The following WWP2 variants were observed in gnomAD, a reference collection of about 807,000 sequenced individuals.
WWP2 encodes WW domain containing E3 ubiquitin protein ligase 2.
Under a neutral mutation model 121.0 loss-of-function variants are expected in WWP2, and 57 were observed. That is an observed-to-expected ratio of 0.47 (90% confidence interval 0.38 to 0.59). WWP2 has a LOEUF of 0.59. Ranked by LOEUF, WWP2 falls within the 20% of genes least tolerant of loss-of-function variation. The pLI is 0.00. For synonymous variants in WWP2, 449 were observed against 441.3 expected, an observed-to-expected ratio of 1.02 and a Z score of -0.22; for missense variants, 962 against 1,158.9, an observed-to-expected ratio of 0.83 and a Z score of 2.47.
intron 7 of WWP2, among the ~76,000 whole-genome samples, chr16:69,882,829 G>A (rs2057855403): frequency 1.3e-5 from 2 of 152,146 alleles, no homozygotes; most frequent in Non-Finnish European, 2.9e-5. Flanking sequence ...AAAAGTTAGA[G>A]AACATTGGCT....
chr16:69,762,592 GCCGCGGCCCGCGCGGGGGTTGCTCCGAAA>G (rs1171919145), intron 1 of WWP2, among the ~76,000 whole-genome samples: 129 of 151,770 alleles, frequency 8.5e-4, no homozygotes, highest in African/African-American at 2.9e-3. Context: ...GGGTGGGCGC[GCCGCGGCCCGCGCGGGGGTTGCTCCGAAA>G]TGGGTGCCCC....
At position 69,778,541 on chromosome 16, in the gene WWP2, G is replaced by A. The variant is rs554858004; in HGVS notation, c.-15-8455G>A. ...TAAGCTTCTTGTAGTGGATAGTGGG[G>A]ATTTGGACCTAATACGCATTAGGAA... is the stretch of plus-strand genomic sequence containing the variant. On this transcript the variant is annotated intron_variant, in intron 1 of 23. Transcript: ENST00000359154. Among the ~76,000 whole-genome samples, 8 of 152,188 alleles carry A rather than the reference G, an allele frequency of 5.3e-5. No homozygotes were observed. In the East Asian group the frequency reaches 1.4e-3, roughly 26 times the overall value.
intron 7 of WWP2, among the ~76,000 whole-genome samples, chr16:69,882,675 C>T (rs1054590276): frequency 2.0e-5 from 3 of 152,022 alleles, no homozygotes; most frequent in Admixed American, 6.6e-5. Context: ...GGGAAGAAGG[C>T]CGATGTGGGC....
At chr16:69,936,189 C>T in intron 18 of WWP2, 123 bp from the exon 19 acceptor site, 1 of 1,493,726 alleles carries the variant, frequency 6.7e-7, no homozygotes, top group Non-Finnish European at 9.1e-7. Context: ...GGAGCTGTCC[C>T]CTGTCACTGT....
chr16:69,811,806 ACTC>A (rs1050851661), intron 4 of WWP2, among the ~76,000 whole-genome samples: 21 of 151,842 alleles, frequency 1.4e-4, no homozygotes, highest in African/African-American at 4.8e-4. Flanking sequence ...AGAACAAAGA[ACTC>A]CTCAATGTCG....
chr16:69,822,985 A>G (rs980583695), intron 4 of WWP2, among the ~76,000 whole-genome samples: 7 of 152,150 alleles, frequency 4.6e-5, no homozygotes, highest in African/African-American at 1.7e-4. Context: ...AAAAGTACAA[A>G]AATTAGCCAG....
chr16:69,893,786 C>T lies in WWP2; in HGVS notation c.914+5537C>T, dbSNP rs374561432. 1.1e-4 allele frequency among the ~76,000 whole-genome samples: 17 copies of T among 152,302 alleles called. 2 individuals are homozygous for T. The highest frequency in any genetic ancestry group is 3.9e-4 in the East Asian group (2 of 5,170). On this transcript the variant is annotated intron_variant, in intron 8 of 23. Transcript: ENST00000359154. ...CTCGAACGCCTGACCTCAAGTGATC[C>T]ACCTGCCTCGGCCTCCCAAAATGCT... is the stretch of plus-strand genomic sequence containing the variant.
At chr16:69,912,943 A>T (rs2058409623) in intron 9 of WWP2, among the ~76,000 whole-genome samples, 2 of 2,542 alleles carry the variant, frequency 7.9e-4, no homozygotes, top group Admixed American at 5.8e-3. Flanking sequence ...AAAAAAAAAA[A>T]AAAAAAAAAA....
intron 6 of WWP2, among the ~76,000 whole-genome samples, chr16:69,859,997 A>G (rs551297359): frequency 1.6e-4 from 24 of 151,788 alleles, no homozygotes; most frequent in African/African-American, 5.1e-4. Context: ...GGGGGGCTAG[A>G]GTGAGAGGGA....
intron 1 of WWP2, among the ~76,000 whole-genome samples, chr16:69,769,733 T>C (rs1374163241): frequency 1.3e-5 from 2 of 152,206 alleles, no homozygotes; most frequent in Non-Finnish European, 2.9e-5. Context: ...AAGTAAGTAC[T>C]ATTATTGGGT....
intron 7 of WWP2, among the ~76,000 whole-genome samples, chr16:69,880,544 AC>A (rs2057808771): frequency 6.6e-6 from 1 of 152,162 alleles, no homozygotes; most frequent in Non-Finnish European, 1.5e-5. Flanking sequence ...GAAGGATTTT[AC>A]CTTCCCATCA....
chr16:69,915,074 C>T (rs1011119083), intron 9 of WWP2, among the ~76,000 whole-genome samples: 1 of 152,166 alleles, frequency 6.6e-6, no homozygotes. Context: ...CAACTGTCCC[C>T]GTCAGATGAG....
intron 1 of WWP2, among the ~76,000 whole-genome samples, chr16:69,770,689 G>A (rs1333246049): frequency 6.6e-6 from 1 of 152,168 alleles, no homozygotes; most frequent in African/African-American, 2.4e-5. Context: ...CAAGTCAGGG[G>A]CAGTCTTGGG....
rs1454931697 is a variant in WWP2 at position 69,826,925 on chromosome 16, C to G, written c.341-13201C>G. 7.4e-5 allele frequency among the ~76,000 whole-genome samples: 8 copies of G among 108,072 alleles called. No homozygotes were observed. The East Asian group carries it at 2.4e-3, about 32-fold the overall frequency. 70.9% of individuals were successfully genotyped at this position (108,072 alleles called of 152,430 possible). A position where few individuals can be genotyped will look rare whatever the true frequency, so the allele number is the denominator to read the frequency against. On this transcript the variant is annotated intron_variant, in intron 4 of 23. Transcript: ENST00000359154. ...CTGCACTCCAGCCTGGGTGACAGAG[C>G]GAGACTCCACCTCAAAAAAAAAAAA... is the stretch of plus-strand genomic sequence containing the variant.
chr16:69,813,197 T>A (rs1355923204), intron 4 of WWP2, among the ~76,000 whole-genome samples: 1 of 151,670 alleles, frequency 6.6e-6, no homozygotes, highest in African/African-American at 2.4e-5. Flanking sequence ...AGTTTTGCTC[T>A]TGTTGCCTAG....
intron 2 of WWP2, among the ~76,000 whole-genome samples, chr16:69,793,741 A>G (rs533538158): frequency 7.9e-5 from 12 of 152,214 alleles, no homozygotes; most frequent in Admixed American, 3.9e-4. Context: ...CAATTGGGGA[A>G]GTCACAAATC....
intron 7 of WWP2, among the ~76,000 whole-genome samples, chr16:69,883,468 G>A (rs948177491): frequency 6.6e-6 from 1 of 151,984 alleles, no homozygotes; most frequent in African/African-American, 2.4e-5. Flanking sequence ...AAGGGTACTC[G>A]TGAGTATTCG....
chr16:69,843,977 G>A (rs1567698950), intron 6 of WWP2, among the ~76,000 whole-genome samples: 2 of 152,182 alleles, frequency 1.3e-5, no homozygotes, highest in African/African-American at 2.4e-5. Context: ...TCCCTCTGAG[G>A]ACAGCTGTCA....
intron 10 of WWP2, among the ~76,000 whole-genome samples, chr16:69,924,483 C>T (rs934459296): frequency 2.6e-5 from 4 of 152,072 alleles, no homozygotes; most frequent in Admixed American, 6.5e-5. Context: ...TTTTATTTAA[C>T]GACCAGAACT....
Sources: allele counts gnomAD v4.1 joint callset (sites outside exome capture counted in the v4.1 genomes callset), GRCh38; gene constraint gnomAD v4.1.1; transcripts MANE v1.5; gene names NCBI Gene and HGNC (gene_info 2026-07-23, HGNC 2026-07-21).